CD55: variants seen among roughly 807,000 people sequenced by gnomAD.
CD55 encodes complement decay-accelerating factor.
CD55 carries 41 observed loss-of-function variants against 45.8 expected under a neutral mutation model. The observed-to-expected ratio is 0.90, with a 90% CI of 0.70 to 1.16. The LOEUF (loss-of-function observed/expected upper bound fraction) is 1.16. Ranked by LOEUF, CD55 falls within the 50% of genes most tolerant of loss-of-function variation. The pLI is 0.00. For synonymous variants in CD55, 181 were observed against 181.1 expected (o/e 1.00, Z 0.01); for missense variants, 416 against 469.8 (o/e 0.89, Z 1.06).
intron 9 of CD55, among the ~76,000 whole-genome samples, chr1:207,346,557 G>A (rs1558155111): frequency 6.6e-6 from 1 of 152,154 alleles, no homozygotes; most frequent in Non-Finnish European, 1.5e-5. Flanking sequence ...GGTGGCTGGG[G>A]CACATGCAGT....
chr1:207,326,614 G>C, intron 4 of CD55, 138 bp from the exon 5 acceptor site: 1 of 656,314 alleles, frequency 1.5e-6, no homozygotes, highest in East Asian at 2.7e-5. Context: ...TTAAACTACT[G>C]TGTGGACTTT....
intron 9 of CD55, among the ~76,000 whole-genome samples, chr1:207,348,702 G>C (rs1010429216): frequency 2.0e-5 from 3 of 152,100 alleles, no homozygotes; most frequent in Admixed American, 2.0e-4. Context: ...TATACTTTTA[G>C]GTTTTAAGTT....
chr1:207,337,120 C>G (rs1655213522), intron 7 of CD55: 1 of 605,834 alleles, frequency 1.7e-6, no homozygotes, highest in Admixed American at 3.0e-5. Flanking sequence ...TATCAAAAAC[C>G]CTATCTACAA....
chr1:207,348,241 A>G (rs942346737), intron 9 of CD55, among the ~76,000 whole-genome samples: 1 of 152,012 alleles, frequency 6.6e-6, no homozygotes, highest in African/African-American at 2.4e-5. Context: ...TTATTTTTTC[A>G]CTTTTTAATA....
intron 9 of CD55, among the ~76,000 whole-genome samples, chr1:207,339,890 A>G (rs1183050413): frequency 3.3e-5 from 5 of 152,192 alleles, no homozygotes; most frequent in African/African-American, 9.7e-5. Flanking sequence ...ATTTTGTTAC[A>G]TGCATGGACT....
chr1:207,336,038 A>G lies in CD55; in HGVS notation c.854-655A>G, dbSNP rs536317900. The stretch of plus-strand genomic sequence containing the variant: ...CAGGGGACTTTGTATAAGTGACCCA[A>G]TGGCAGTTGGGCTCTGAAGACTGAA... On this transcript the variant is annotated intron_variant, in intron 6 of 9. Transcript: ENST00000367064. Among the ~76,000 whole-genome samples the G allele has an allele frequency of 3.3e-5, 5 of 152,262 alleles. 1 individual carries two copies. The South Asian group carries it at 6.2e-4, about 19-fold the overall frequency.
chr1:207,357,856 C>G (rs769982188), intron 9 of CD55, among the ~76,000 whole-genome samples: 31 of 152,120 alleles, frequency 2.0e-4, no homozygotes, highest in Admixed American at 1.2e-3. Flanking sequence ...ATGTACATAC[C>G]TATGAGATAA....
At chr1:207,340,143 C>T (rs1189275948) in intron 9 of CD55, among the ~76,000 whole-genome samples, 1 of 152,150 alleles carries the variant, frequency 6.6e-6, no homozygotes, top group East Asian at 1.9e-4. Flanking sequence ...TTCTCAGCCT[C>T]TGGTATCTAA....
At chr1:207,341,827 T>G (rs2102417257) in intron 9 of CD55, among the ~76,000 whole-genome samples, 1 of 152,240 alleles carries the variant, frequency 6.6e-6, no homozygotes, top group Non-Finnish European at 1.5e-5. Flanking sequence ...ATCTTTAGAT[T>G]GCTTTGGCAG....
chr1:207,347,462 G>A (rs768272182), intron 9 of CD55: 15 of 342,306 alleles, frequency 4.4e-5, no homozygotes, highest in East Asian at 7.8e-5. Flanking sequence ...GTGTTTCACC[G>A]TGTTATCCAG....
chr1:207,333,957 G>T (rs1421363700), intron 6 of CD55, among the ~76,000 whole-genome samples: 1 of 152,070 alleles, frequency 6.6e-6, no homozygotes, highest in African/African-American at 2.4e-5. Flanking sequence ...GAAGGAGGAG[G>T]AGGAGAAGAG....
intron 8 of CD55, among the ~76,000 whole-genome samples, chr1:207,338,399 C>G (rs970942606): frequency 5.3e-5 from 8 of 151,992 alleles, no homozygotes; most frequent in African/African-American, 1.9e-4. Context: ...TCTAAAATTT[C>G]TAGGTTGAAC....
At chr1:207,338,743 A>G (rs1261077821) in intron 8 of CD55, among the ~76,000 whole-genome samples, 1 of 152,124 alleles carries the variant, frequency 6.6e-6, no homozygotes, top group Non-Finnish European at 1.5e-5. Context: ...TTGATTTTAT[A>G]GATGAGGAAT....
At chr1:207,355,323 T>A in intron 9 of CD55, among the ~76,000 whole-genome samples, 1 of 85,036 alleles carries the variant, frequency 1.2e-5, no homozygotes, top group East Asian at 3.3e-4. Context: ...CTGGGCAGGG[T>A]TGGTGGGGGT....
intron 9 of CD55, among the ~76,000 whole-genome samples, chr1:207,342,818 A>G (rs1373811684): frequency 6.6e-6 from 1 of 152,094 alleles, no homozygotes; most frequent in African/African-American, 2.4e-5. Context: ...CTTTGAATCC[A>G]TCCAGTCCTG....
At chr1:207,346,290 G>A (rs868733956) in intron 9 of CD55, among the ~76,000 whole-genome samples, 3 of 152,182 alleles carry the variant, frequency 2.0e-5, no homozygotes, top group Non-Finnish European at 4.4e-5. Context: ...CAGGAAGAGT[G>A]CTCAGCTGCT....
At chr1:207,340,632 G>A (rs568968420) in intron 9 of CD55, 13 of 666,710 alleles carry the variant, frequency 1.9e-5, no homozygotes, top group South Asian at 9.9e-5. Context: ...CTCCCAAAAC[G>A]TTGCGATTAT....
intron 9 of CD55, among the ~76,000 whole-genome samples, chr1:207,343,597 T>A (rs1165030930): frequency 6.6e-6 from 1 of 152,204 alleles, no homozygotes; most frequent in African/African-American, 2.4e-5. Context: ...TCCTAACATA[T>A]GTTCTATTCT....
chr1:207,337,136 C>G (rs1343180758), intron 7 of CD55, 193 bp from the exon 8 acceptor site: 5 of 607,000 alleles, frequency 8.2e-6, no homozygotes, highest in Non-Finnish European at 5.9e-6. Flanking sequence ...TACAAAGACC[C>G]CTTCTGCAGC....
Sources: allele counts gnomAD v4.1 joint callset (sites outside exome capture counted in the v4.1 genomes callset), GRCh38; gene constraint gnomAD v4.1.1; transcripts MANE v1.5; gene names NCBI Gene and HGNC (gene_info 2026-07-23, HGNC 2026-07-21).